PLPP4: variants seen among roughly 807,000 people sequenced by gnomAD.
PLPP4 encodes phospholipid phosphatase 4.
PLPP4 carries 20 observed loss-of-function variants against 32.2 expected under a neutral mutation model. The ratio of observed to expected loss-of-function variants is 0.62; its 90% CI spans 0.44 to 0.90. The LOEUF is 0.90. Ranked by LOEUF, PLPP4 falls within the 40% of genes least tolerant of loss-of-function variation. The probability of loss-of-function intolerance (pLI) is 0.00; values close to 1 mark genes in which losing one functional copy is unlikely to be tolerated. For synonymous variants in PLPP4, 127 were observed against 133.0 expected (o/e 0.95, Z 0.31); for missense variants, 257 against 353.1 (o/e 0.73, Z 2.18).
Position 120,552,556 on chromosome 10 carries a change from G to A in PLPP4, c.446-22575G>A, listed in dbSNP as rs117753256. ...CCAGAACTTTATTTGAATTCAATGTGCATATTTCCTGTGTTTCACATGCAC... is the reference window on the plus strand; with the variant it reads ...CCAGAACTTTATTTGAATTCAATGTACATATTTCCTGTGTTTCACATGCAC... On this transcript the variant is annotated intron_variant, in intron 5 of 6. Transcript: ENST00000398250. Among the ~76,000 whole-genome samples, 11 of 152,250 alleles carry A rather than the reference G, an allele frequency of 7.2e-5. No individual in the cohort carries two copies. The East Asian group carries it at 1.9e-3, about 27-fold the overall frequency.
At chr10:120,480,730 A>T (rs1642285169) in intron 1 of PLPP4, among the ~76,000 whole-genome samples, 1 of 152,208 alleles carries the variant, frequency 6.6e-6, no homozygotes, top group Admixed American at 6.5e-5. Flanking sequence ...GCAGTAAGGC[A>T]TCCAGACCTA....
At chr10:120,569,430 G>A (rs1257808822) in intron 5 of PLPP4, among the ~76,000 whole-genome samples, 1 of 152,140 alleles carries the variant, frequency 6.6e-6, no homozygotes, top group Non-Finnish European at 1.5e-5. Flanking sequence ...CTTTTTCTCA[G>A]AACAAAATCT....
At chr10:120,478,993 A>G (rs551698183) in intron 1 of PLPP4, among the ~76,000 whole-genome samples, 109 of 152,306 alleles carry the variant, frequency 7.2e-4, no homozygotes, top group Middle Eastern at 3.4e-3. Flanking sequence ...TTGGGAGGCC[A>G]AGGTGGGCAG....
intron 6 of PLPP4, among the ~76,000 whole-genome samples, chr10:120,586,330 G>T (rs1414480055): frequency 1.3e-5 from 2 of 148,684 alleles, no homozygotes; most frequent in African/African-American, 5.0e-5. Context: ...TTTTAGTAGA[G>T]ACAGGGTTTC....
intron 5 of PLPP4, among the ~76,000 whole-genome samples, chr10:120,546,555 TTC>T (rs1847632281): frequency 6.6e-6 from 1 of 152,180 alleles, no homozygotes; most frequent in Non-Finnish European, 1.5e-5. Context: ...GAAGAGCACA[TTC>T]TCTCTCCTCC....
intron 1 of PLPP4, among the ~76,000 whole-genome samples, chr10:120,465,079 T>C (rs1472278621): frequency 6.6e-6 from 1 of 152,256 alleles, no homozygotes; most frequent in African/African-American, 2.4e-5. Flanking sequence ...TTGTAAAGAA[T>C]ATGCCTTTTG....
intron 3 of PLPP4, among the ~76,000 whole-genome samples, chr10:120,516,350 A>C (rs951322832): frequency 4.6e-5 from 7 of 152,192 alleles, no homozygotes; most frequent in African/African-American, 1.7e-4. Context: ...TGCTGCCCTC[A>C]TCTCCAGGTA....
At chr10:120,542,905 T>C (rs1847420220) in intron 5 of PLPP4, among the ~76,000 whole-genome samples, 1 of 152,210 alleles carries the variant, frequency 6.6e-6, no homozygotes, top group Admixed American at 6.5e-5. Context: ...TGAGGTTTGC[T>C]TCTCCCAGAG....
At chr10:120,548,388 G>A (rs563711365) in intron 5 of PLPP4, among the ~76,000 whole-genome samples, 20 of 152,234 alleles carry the variant, frequency 1.3e-4, no homozygotes, top group South Asian at 8.3e-4. Context: ...CTCCATCTAC[G>A]TTGCTGCAAA....
At chr10:120,499,184 G>C (rs147357310) in intron 1 of PLPP4, among the ~76,000 whole-genome samples, 73 of 152,328 alleles carry the variant, frequency 4.8e-4, no homozygotes, top group African/African-American at 1.6e-3. Context: ...CTGTCATTAT[G>C]CTGGCCAGGA....
intron 5 of PLPP4, among the ~76,000 whole-genome samples, chr10:120,546,512 A>T (rs1847629364): frequency 6.6e-6 from 1 of 152,116 alleles, no homozygotes; most frequent in South Asian, 2.1e-4. Flanking sequence ...AGCATGCTTG[A>T]ACCAGTTTGC....
At chr10:120,489,471 A>G (rs1251400881) in intron 1 of PLPP4, among the ~76,000 whole-genome samples, 5 of 152,240 alleles carry the variant, frequency 3.3e-5, no homozygotes, top group Admixed American at 2.6e-4. Context: ...TTGAGCAGCC[A>G]TGAGAGGTGG....
chr10:120,503,711 G>A, intron 1 of PLPP4, 107 bp from the exon 2 acceptor site: 2 of 1,590,960 alleles, frequency 1.3e-6, no homozygotes, highest in Non-Finnish European at 8.6e-7. Flanking sequence ...CCCTTCCCCA[G>A]CAGGCTGGAT....
chr10:120,492,961 T>C (rs1284149925), intron 1 of PLPP4, among the ~76,000 whole-genome samples: 1 of 152,184 alleles, frequency 6.6e-6, no homozygotes, highest in East Asian at 1.9e-4. Flanking sequence ...ATACCTGAGG[T>C]TCCTAAACCC....
chr10:120,493,375 C>T (rs1844805044), intron 1 of PLPP4, among the ~76,000 whole-genome samples: 1 of 152,136 alleles, frequency 6.6e-6, no homozygotes, highest in Non-Finnish European at 1.5e-5. Flanking sequence ...GATGCCATGG[C>T]CGTCCTGTCT....
At chr10:120,526,830 C>T (rs1338071030) in intron 5 of PLPP4, among the ~76,000 whole-genome samples, 1 of 152,188 alleles carries the variant, frequency 6.6e-6, no homozygotes, top group Non-Finnish European at 1.5e-5. Context: ...CTGCCTTCTG[C>T]AGTACCTGGT....
intron 5 of PLPP4, among the ~76,000 whole-genome samples, chr10:120,532,923 A>G (rs1235936311): frequency 6.6e-6 from 1 of 152,176 alleles, no homozygotes; most frequent in Non-Finnish European, 1.5e-5. Flanking sequence ...GATATTATGA[A>G]TAGTGCTGCC....
chr10:120,495,997 A>G (rs1349042205), intron 1 of PLPP4, among the ~76,000 whole-genome samples: 1 of 152,178 alleles, frequency 6.6e-6, no homozygotes, highest in African/African-American at 2.4e-5. Context: ...ACTTTTTTCA[A>G]GCTACCCTGC....
At chr10:120,530,012 G>T (rs1005754644) in intron 5 of PLPP4, among the ~76,000 whole-genome samples, 9 of 152,140 alleles carry the variant, frequency 5.9e-5, no homozygotes, top group Non-Finnish European at 1.3e-4. Flanking sequence ...AACATTTCAG[G>T]CATATGAAAG....
Sources: allele counts gnomAD v4.1 joint callset (sites outside exome capture counted in the v4.1 genomes callset), GRCh38; gene constraint gnomAD v4.1.1; transcripts MANE v1.5; gene names NCBI Gene and HGNC (gene_info 2026-07-23, HGNC 2026-07-21).